Variants in ZNF148 observed in about 807,000 individuals in gnomAD.
The protein encoded by ZNF148 is Beta-Enolase Repressor Factor-1.
In ZNF148, 7 loss-of-function variants were observed where a neutral mutation model predicts 67.7. That is an observed-to-expected ratio of 0.10 (90% CI 0.06 to 0.19). The LOEUF (loss-of-function observed/expected upper bound fraction) is 0.19. Among genes scored for constraint, ZNF148 ranks in the 10% least tolerant of loss-of-function variants. ZNF148 has a pLI of 1.00. For missense variants in ZNF148, 583 were observed against 947.1 expected (o/e 0.62, Z 5.05); for synonymous variants, 333 against 330.7 (o/e 1.01, Z -0.08).
chr3:125,250,935 G>A (rs1936815439), intron 7 of ZNF148, among the ~76,000 whole-genome samples: 1 of 152,092 alleles, frequency 6.6e-6, no homozygotes, highest in South Asian at 2.1e-4. Flanking sequence ...ATACACAAAA[G>A]TAGAGAACAC....
intron 1 of ZNF148, 68 bp downstream of exon 1, chr3:125,375,034 C>A (rs1464214962): frequency 6.6e-6 from 1 of 151,616 alleles, no homozygotes; most frequent in Non-Finnish European, 1.5e-5. Flanking sequence ...CGCGCTCCCC[C>A]CGCGCGCCGC....
rs1935776836 is a variant in ZNF148 at position 125,229,722 on chromosome 3, ATCC to A, written c.*2616_*2618del. The A allele has an allele frequency of 6.6e-6, 1 of 152,144 alleles. No individual in the cohort carries two copies. The highest frequency in any genetic ancestry group is 2.1e-4 in the South Asian group (1 of 4,830). 9.4% of individuals were successfully genotyped at this position (152,144 alleles called of 1,614,324 possible). ...CATGAATTGCAGAAGAATATCTCAT[ATCC>A]TCCATGTTTCAATCTGAAGCAGCAC... On this transcript the variant is annotated 3_prime_UTR_variant, in exon 9 of 9. Transcript: ENST00000360647.
chr3:125,316,469 T>C (rs184309175), intron 3 of ZNF148, among the ~76,000 whole-genome samples: 14 of 152,340 alleles, frequency 9.2e-5, no homozygotes, highest in East Asian at 1.9e-4. Flanking sequence ...ACCAACAGCA[T>C]AGAAGGGTTC....
intron 2 of ZNF148, among the ~76,000 whole-genome samples, chr3:125,325,484 G>C (rs975574466): frequency 8.6e-4 from 129 of 150,500 alleles, no homozygotes; most frequent in African/African-American, 3.0e-3. Context: ...CTTTTTTTTT[G>C]AGACAGAGTC....
At chr3:125,368,141 A>G (rs1942758405) in intron 1 of ZNF148, among the ~76,000 whole-genome samples, 1 of 152,258 alleles carries the variant, frequency 6.6e-6, no homozygotes, top group South Asian at 2.1e-4. Context: ...GAACTCCTAC[A>G]GCACTTACTG....
Position 125,232,361 on chromosome 3 carries a change from T to C in ZNF148, c.2365A>G (p.Thr789Ala). ...AGMTSSPDATTGQTFG is the reference protein window; with the variant it reads ...AGMTSSPDATAGQTFG ...TTTTTTTAGCCAAAAGTCTGGCCAG[T>C]TGTGGCATCAGGTGAAGATGTCATC... The change falls in exon 9 of 9, where the codon ACT (threonine) becomes GCT (alanine). Residue 789 changes from threonine to alanine, a missense_variant. Coordinates refer to ENST00000360647, the MANE Select transcript of ZNF148 (RefSeq NM_021964.3). This position sits in a 1 kb window ranked among gnomAD's most constrained non-coding sequence, Gnocchi z 4.2. 1 of 1,602,316 alleles carries C rather than the reference T, an allele frequency of 6.2e-7. No individual in the cohort carries two copies. The highest frequency in any genetic ancestry group is 1.7e-4 in the Middle Eastern group (1 of 6,008).
At chr3:125,313,146 A>T (rs997128124) in intron 4 of ZNF148, among the ~76,000 whole-genome samples, 162 bp downstream of exon 4, 19 of 152,236 alleles carry the variant, frequency 1.2e-4, no homozygotes, top group African/African-American at 4.1e-4. Context: ...ACAAGAACTT[A>T]ATTTTGCCTT....
intron 3 of ZNF148, among the ~76,000 whole-genome samples, chr3:125,316,270 C>T (rs1489157516): frequency 2.0e-5 from 3 of 152,176 alleles, no homozygotes; most frequent in Non-Finnish European, 4.4e-5. Context: ...AGGTGGCTTC[C>T]AAGTCTTAGC....
rs890490967 is a variant in ZNF148, at chr3:125,232,282, C to T, written c.*59G>A. 3 of 1,518,974 alleles carry T rather than the reference C, an allele frequency of 2.0e-6. No homozygotes were observed. The highest frequency in any genetic ancestry group is 2.6e-6 in the Non-Finnish European group (3 of 1,134,222). The allele number at this position is 1,518,974 out of a possible 1,614,324, so 94.1% of individuals were successfully genotyped here. On this transcript the variant is annotated 3_prime_UTR_variant, in exon 9 of 9. Coordinates refer to ENST00000360647, the MANE Select transcript of ZNF148 (RefSeq NM_021964.3). The surrounding 1 kb of genome is among the most constrained non-coding windows in gnomAD (Gnocchi z 4.2). ...ACAGCACTCCATTTACACAGAGTAA[C>T]CCCACTCTTGATTAATCTGTTCTAA...
chr3:125,261,939 A>G lies in ZNF148; in HGVS notation c.667+15787T>C, dbSNP rs191013374. Among the ~76,000 whole-genome samples, 133 of 152,144 alleles carry G rather than the reference A, an allele frequency of 8.7e-4. 1 individual carries two copies. Among genetic ancestry groups the G allele is most frequent in the African/African-American group, 3.1e-3 (130 of 41,486 alleles). The stretch of plus-strand genomic sequence containing the variant: ...TACAAACTCATATAAGAGAGAAAAC[A>G]ATTTCCACAAAAATTTTATTAATGA... On this transcript the variant is annotated intron_variant, in intron 7 of 8. Transcript: ENST00000360647.
chr3:125,343,927 G>T (rs1941837990), intron 1 of ZNF148, among the ~76,000 whole-genome samples: 1 of 151,874 alleles, frequency 6.6e-6, no homozygotes, highest in Non-Finnish European at 1.5e-5. Context: ...TGACAAATGG[G>T]GACTCTGTTG....
intron 3 of ZNF148, among the ~76,000 whole-genome samples, chr3:125,319,482 C>T (rs1369369314): frequency 2.0e-5 from 3 of 152,218 alleles, no homozygotes; most frequent in East Asian, 1.9e-4. Flanking sequence ...CTTAAAAATG[C>T]TTGCTTGTTC....
At chr3:125,296,952 T>C (rs968669059) in intron 4 of ZNF148, among the ~76,000 whole-genome samples, 14 of 150,898 alleles carry the variant, frequency 9.3e-5, no homozygotes, top group African/African-American at 3.4e-4. Flanking sequence ...ACTACCTACA[T>C]AGAAAAAAAA....
chr3:125,265,094 G>A (rs1347796896), intron 7 of ZNF148, among the ~76,000 whole-genome samples: 1 of 152,180 alleles, frequency 6.6e-6, no homozygotes. Context: ...ATACAAGGTG[G>A]AAAATGAACA....
At chr3:125,361,040 AAAT>A (rs986924609) in intron 1 of ZNF148, among the ~76,000 whole-genome samples, 2 of 151,818 alleles carry the variant, frequency 1.3e-5, no homozygotes, top group Non-Finnish European at 2.9e-5. Context: ...AAAAATTAAA[AAAT>A]AATAATAATA....
chr3:125,242,621 C>A (rs1319936293), intron 7 of ZNF148, among the ~76,000 whole-genome samples: 1 of 152,262 alleles, frequency 6.6e-6, no homozygotes. Flanking sequence ...AGGGGTGAGA[C>A]TCTTGTCTCA....
chr3:125,264,232 C>T (rs1445914737), intron 7 of ZNF148, among the ~76,000 whole-genome samples: 8 of 152,248 alleles, frequency 5.3e-5, no homozygotes, highest in Non-Finnish European at 1.0e-4. Flanking sequence ...AACTCCCTCC[C>T]CCCATGATTT....
At chr3:125,366,543 T>C (rs1261561163) in intron 1 of ZNF148, among the ~76,000 whole-genome samples, 1 of 152,220 alleles carries the variant, frequency 6.6e-6, no homozygotes, top group Non-Finnish European at 1.5e-5. Context: ...CCAGCTTTTT[T>C]TCTTTTTAGT....
chr3:125,344,714 C>A, intron 1 of ZNF148: 1 of 598,480 alleles, frequency 1.7e-6, no homozygotes. Context: ...GGTGCCACTT[C>A]AGTGCCAGTT....
Sources: allele counts gnomAD v4.1 joint callset (sites outside exome capture counted in the v4.1 genomes callset), GRCh38; gene constraint gnomAD v4.1.1; non-coding constraint Gnocchi (gnomAD v3.1); transcripts MANE v1.5; gene names NCBI Gene and HGNC (gene_info 2026-07-23, HGNC 2026-07-21).